The following JAZF1 variants were observed in gnomAD, a reference collection of about 807,000 sequenced individuals.
JAZF1 encodes JAZF zinc finger 1, also known as juxtaposed with another zinc finger protein 1.
A neutral mutation model predicts 26.4 loss-of-function variants in JAZF1; 8 were observed. That is an observed-to-expected ratio of 0.30 (90% CI 0.18 to 0.55). The LOEUF (loss-of-function observed/expected upper bound fraction) is 0.55, where lower values mean the gene tolerates loss of function less well. JAZF1 is among the 20% of genes least tolerant of loss of function. The pLI is 0.94. For missense variants in JAZF1, 199 were observed against 322.0 expected (o/e 0.62, Z 2.92); for synonymous variants, 126 against 122.3 (o/e 1.03, Z -0.20).
chr7:28,179,734 C>T (rs1317522239), intron 1 of JAZF1, among the ~76,000 whole-genome samples: 1 of 148,096 alleles, frequency 6.8e-6, no homozygotes, highest in Non-Finnish European at 1.5e-5. Flanking sequence ...CGTCCCCGGC[C>T]CCGCCCGGGC....
At chr7:27,910,684 C>A (rs895487347) in intron 2 of JAZF1, among the ~76,000 whole-genome samples, 2 of 152,152 alleles carry the variant, frequency 1.3e-5, no homozygotes, top group African/African-American at 4.8e-5. Flanking sequence ...GGATATAAAC[C>A]AGGCAAACCC....
chr7:28,079,133 G>A (rs1054063225), intron 1 of JAZF1, among the ~76,000 whole-genome samples: 2 of 151,976 alleles, frequency 1.3e-5, no homozygotes, highest in African/African-American at 4.8e-5. Flanking sequence ...GGGATTACAG[G>A]TGCCCACCAC....
chr7:28,111,022 T>C (rs1223158535), intron 1 of JAZF1, among the ~76,000 whole-genome samples: 2 of 152,214 alleles, frequency 1.3e-5, no homozygotes, highest in African/African-American at 4.8e-5. Flanking sequence ...CAAACGACCC[T>C]GATTTTCTGG....
chr7:27,926,758 C>T (rs755613103), intron 2 of JAZF1, among the ~76,000 whole-genome samples: 14 of 152,224 alleles, frequency 9.2e-5, no homozygotes, highest in Non-Finnish European at 1.3e-4. Flanking sequence ...TTCTTTTGAA[C>T]GAGGAGTTCA....
At chr7:27,922,267 C>T (rs1018214937) in intron 2 of JAZF1, among the ~76,000 whole-genome samples, 2 of 152,096 alleles carry the variant, frequency 1.3e-5, no homozygotes, top group Non-Finnish European at 2.9e-5. Flanking sequence ...TTGTTGGAGA[C>T]GGAGTCTCAC....
In JAZF1 at chr7:27,875,964, C is replaced by T. The variant is rs117485778; in HGVS notation, c.385+19256G>A. 2.2e-3 allele frequency among the ~76,000 whole-genome samples: 339 copies of T among 152,352 alleles called. 5 individuals carry two copies. The South Asian group carries it at 0.042, about 19-fold the overall frequency. ...TCCTCAGAGGCAGCAGAGGAGAGCA[C>T]TCAGGAGTCTGCTTTGCAGCAAGGC... On this transcript the variant is annotated intron_variant, in intron 3 of 4. Coordinates refer to ENST00000283928, the MANE Select transcript of JAZF1 (RefSeq NM_175061.4).
At chr7:28,131,708 A>G (rs1782796446) in intron 1 of JAZF1, among the ~76,000 whole-genome samples, 1 of 152,192 alleles carries the variant, frequency 6.6e-6, no homozygotes, top group Non-Finnish European at 1.5e-5. Context: ...GCAGTATCCT[A>G]CAATTTGCAT....
At chr7:28,033,514 AC>A (rs778185623) in intron 1 of JAZF1, among the ~76,000 whole-genome samples, 31 of 152,206 alleles carry the variant, frequency 2.0e-4, no homozygotes, top group African/African-American at 3.6e-4. Context: ...GAGAGGACGT[AC>A]CGCTAATGAG....
chr7:27,900,602 T>C (rs1316066799), intron 2 of JAZF1, among the ~76,000 whole-genome samples: 2 of 152,214 alleles, frequency 1.3e-5, no homozygotes, highest in African/African-American at 2.4e-5. Flanking sequence ...CTAGTGATTA[T>C]TATTTTTTAA....
At chr7:28,142,045 C>T (rs1345216189) in intron 1 of JAZF1, among the ~76,000 whole-genome samples, 2 of 152,136 alleles carry the variant, frequency 1.3e-5, no homozygotes, top group Admixed American at 6.6e-5. Context: ...TACTTCTACT[C>T]ACATGGAATG....
At chr7:28,095,547 G>A (rs1290639267) in intron 1 of JAZF1, among the ~76,000 whole-genome samples, 4 of 152,104 alleles carry the variant, frequency 2.6e-5, no homozygotes, top group African/African-American at 9.7e-5. Flanking sequence ...TTGACACGTG[G>A]GGATTATGGG....
chr7:28,130,742 CTAAT>C (rs1342606033), intron 1 of JAZF1, among the ~76,000 whole-genome samples: 4 of 152,188 alleles, frequency 2.6e-5, no homozygotes, highest in Admixed American at 1.3e-4. Flanking sequence ...GATCAGGAGT[CTAAT>C]TGGTATTTCT....
intron 2 of JAZF1, among the ~76,000 whole-genome samples, chr7:27,952,704 A>T (rs1410200895): frequency 3.9e-5 from 6 of 152,216 alleles, no homozygotes; most frequent in Non-Finnish European, 8.8e-5. Context: ...TTGAACAACA[A>T]GCATATTCCT....
intron 2 of JAZF1, among the ~76,000 whole-genome samples, chr7:27,923,139 G>C (rs892464478): frequency 3.2e-4 from 49 of 152,116 alleles, no homozygotes; most frequent in African/African-American, 1.2e-3. Flanking sequence ...TGCCTTCTGT[G>C]GTTGTTTAGC....
chr7:27,899,587 C>G (rs751288915), intron 2 of JAZF1, among the ~76,000 whole-genome samples: 11 of 151,962 alleles, frequency 7.2e-5, no homozygotes, highest in East Asian at 1.9e-4. Flanking sequence ...GGCACGCCCC[C>G]CCATGCCCAG....
intron 1 of JAZF1, among the ~76,000 whole-genome samples, chr7:28,122,533 G>C (rs541965699): frequency 6.6e-5 from 10 of 152,234 alleles, no homozygotes; most frequent in African/African-American, 2.2e-4. Context: ...GGGGCACCAA[G>C]CAGGATTTAA....
intron 1 of JAZF1, among the ~76,000 whole-genome samples, chr7:28,058,134 A>G (rs1048628877): frequency 2.6e-5 from 4 of 152,160 alleles, no homozygotes; most frequent in Admixed American, 2.6e-4. Context: ...AGGCGGTGGT[A>G]CTGATCCTGG....
chr7:28,159,088 G>A (rs1052023744), intron 1 of JAZF1, among the ~76,000 whole-genome samples: 3 of 151,996 alleles, frequency 2.0e-5, no homozygotes, highest in Non-Finnish European at 4.4e-5. Flanking sequence ...AGACAATTTC[G>A]ATAGAGGAAA....
rs141943164 is a variant in JAZF1 at position 27,881,568 on chromosome 7, T to G, written c.385+13652A>C. On this transcript the variant is annotated intron_variant, in intron 3 of 4. Transcript: ENST00000283928. ...TTTCAACACAATAATGGTCCAGAAC[T>G]TGGTGGAATATTAGAAAGTAACCAT... Among the ~76,000 whole-genome samples, 200 of 152,248 alleles carry G rather than the reference T, an allele frequency of 1.3e-3. 1 individual carries two copies. The highest frequency in any genetic ancestry group is 4.5e-3 in the African/African-American group (187 of 41,558).
Sources: allele counts gnomAD v4.1 joint callset (sites outside exome capture counted in the v4.1 genomes callset), GRCh38; gene constraint gnomAD v4.1.1; transcripts MANE v1.5; gene names NCBI Gene and HGNC (gene_info 2026-07-23, HGNC 2026-07-21).